The following SEPTIN9 variants were observed in gnomAD, a reference collection of about 807,000 sequenced individuals.
SEPTIN9 encodes the protein septin-9.
In SEPTIN9, 13 loss-of-function variants were observed where a neutral mutation model predicts 56.6. The ratio of observed to expected loss-of-function variants is 0.23; its 90% confidence interval spans 0.15 to 0.37. The LOEUF is 0.37. Ranked by LOEUF, SEPTIN9 falls within the 10% of genes least tolerant of loss-of-function variation. The pLI, the probability that SEPTIN9 is intolerant of heterozygous loss-of-function variation, is 1.00. For synonymous variants in SEPTIN9, 332 were observed against 334.1 expected (o/e 0.99, Z 0.07); for missense variants, 650 against 823.1 (o/e 0.79, Z 2.57).
rs1042927329 is a variant in SEPTIN9, at chr17:77,493,115, A to T, written c.1573+39A>T. 4.1e-6 allele frequency: 6 copies of T among 1,453,012 alleles called. No homozygotes were observed. In the Admixed American group the frequency reaches 9.8e-5, roughly 24 times the overall value. The allele number at this position is 1,453,012 out of a possible 1,614,324, so 90.0% of individuals were successfully genotyped here. On this transcript the variant is annotated intron_variant, in intron 10 of 11. Transcript: ENST00000427177. ...GCGCCGGGGCTCCAGACAGATGGGA[A>T]GACAGTCTCTTCTGCTGACCCAGAG...
At chr17:77,462,441 C>T (rs985261368) in intron 3 of SEPTIN9, among the ~76,000 whole-genome samples, 2 of 152,140 alleles carry the variant, frequency 1.3e-5, no homozygotes, top group Non-Finnish European at 2.9e-5. Context: ...TGTGCCACCC[C>T]GCCTGGCTAA....
At chr17:77,403,291 T>G (rs1008212325) in intron 3 of SEPTIN9, among the ~76,000 whole-genome samples, 3 of 152,162 alleles carry the variant, frequency 2.0e-5, no homozygotes, top group Non-Finnish European at 4.4e-5. Context: ...GAGGGGAACA[T>G]GAGGAGCACC....
chr17:77,420,754 C>CTG (rs1318423348), intron 3 of SEPTIN9, among the ~76,000 whole-genome samples: 1 of 152,184 alleles, frequency 6.6e-6, no homozygotes, highest in African/African-American at 2.4e-5. Context: ...GACGACTTTC[C>CTG]TGGTCCTTCT....
rs897472704 is a variant in SEPTIN9, at chr17:77,354,598, C to T, written c.76+47401C>T. 3.9e-5 allele frequency among the ~76,000 whole-genome samples: 6 copies of T among 152,122 alleles called. No homozygotes were observed. In the East Asian group the frequency reaches 5.8e-4, roughly 15 times the overall value. ...CCTCCTGCCTGCATGCGGCCGCTGC[C>T]GGGTGGACAGGCCTGCTTGTGGGTT... On this transcript the variant is annotated intron_variant, in intron 2 of 11. Transcript: ENST00000427177.
rs1219377347 is a variant in SEPTIN9 at position 77,499,034 on chromosome 17, C to T, written c.*376C>T. 9 of 538,618 alleles carry T rather than the reference C, an allele frequency of 1.7e-5. No homozygotes were observed. The highest frequency in any genetic ancestry group is 3.2e-5 in the Non-Finnish European group (9 of 278,240). The allele number at this position is 538,618 out of a possible 1,614,324, so 33.4% of individuals were successfully genotyped here. On this transcript the variant is annotated 3_prime_UTR_variant, in exon 12 of 12. Coordinates refer to ENST00000427177, the MANE Select transcript of SEPTIN9 (RefSeq NM_001113491.2). ...CTTGGGGTGGGGGCCAGGCCTCGCA[C>T]TTGCAGAGGAGCCCAGTGGGCTGCA...
intron 3 of SEPTIN9, among the ~76,000 whole-genome samples, chr17:77,463,720 G>T (rs1481955797): frequency 6.6e-6 from 1 of 152,066 alleles, no homozygotes; most frequent in African/African-American, 2.4e-5. Context: ...GTAGGCACCT[G>T]TAATCCCAGC....
intron 3 of SEPTIN9, among the ~76,000 whole-genome samples, chr17:77,460,639 C>T (rs191731903): frequency 6.6e-6 from 1 of 152,296 alleles, no homozygotes; most frequent in African/African-American, 2.4e-5. Flanking sequence ...GGGGCCACCC[C>T]CAGCAGCTGG....
Position 77,492,692 on chromosome 17 carries a change from C to G in SEPTIN9, c.1452C>G (p.Asp484Glu), listed in dbSNP as rs201739796. Reference sequence around the variant, plus strand: ...AGGAATTTGATGAGGACTCGGAGGACCGGCTGGTGAACGAGAAGTTCCGGG... The same window carrying G: ...AGGAATTTGATGAGGACTCGGAGGAGCGGCTGGTGAACGAGAAGTTCCGGG... ...PQKEFDEDSE[D>E]RLVNEKFREM... is the part of the protein sequence containing the mutation. Residue 484 changes from aspartate to glutamate, a missense_variant, in exon 9 of 12, where the codon GAC (aspartate) becomes GAG (glutamate). Transcript: ENST00000427177. The surrounding 1 kb of genome is among the most constrained non-coding windows in gnomAD (Gnocchi z 5.4). 190 of 1,614,072 alleles carry G rather than the reference C, an allele frequency of 1.2e-4. No homozygotes were observed. The East Asian group carries it at 4.0e-3, about 34-fold the overall frequency.
At chr17:77,366,245 T>C (rs2034567591) in intron 2 of SEPTIN9, among the ~76,000 whole-genome samples, 1 of 152,176 alleles carries the variant, frequency 6.6e-6, no homozygotes, top group South Asian at 2.1e-4. Flanking sequence ...CATGGGATAC[T>C]GTGTCCCCAT....
chr17:77,342,665 G>C (rs956605080), intron 2 of SEPTIN9, among the ~76,000 whole-genome samples: 10 of 152,250 alleles, frequency 6.6e-5, no homozygotes, highest in Admixed American at 6.5e-4. Flanking sequence ...GTGACATTGT[G>C]ATATAAGAAA....
In SEPTIN9 at chr17:77,315,275, A is replaced by G. The variant is rs537119446; in HGVS notation, c.76+8078A>G. 1.1e-3 allele frequency among the ~76,000 whole-genome samples: 159 copies of G among 150,772 alleles called. 1 individual carries two copies. The highest frequency in any genetic ancestry group is 3.7e-3 in the African/African-American group (152 of 40,632). ...TCCTAGGCCAAGCCAGAGACTGAAG[A>G]ATGACCACCTAACTTCTTTTTTTTT... On this transcript the variant is annotated intron_variant, in intron 2 of 11. Coordinates refer to ENST00000427177, the MANE Select transcript of SEPTIN9 (RefSeq NM_001113491.2).
At position 77,487,382 on chromosome 17, in the gene SEPTIN9, T is replaced by C. The variant is rs2039837473; in HGVS notation, c.914-42T>C. 1.3e-6 allele frequency: 2 copies of C among 1,566,572 alleles called. No homozygotes were observed. The highest frequency in any genetic ancestry group is 1.7e-6 in the Non-Finnish European group (2 of 1,156,886). On this transcript the variant is annotated intron_variant, in intron 4 of 11. Coordinates refer to ENST00000427177, the MANE Select transcript of SEPTIN9 (RefSeq NM_001113491.2). This position sits in a 1 kb window ranked among gnomAD's most constrained non-coding sequence, Gnocchi z 4.3. The stretch of plus-strand genomic sequence containing the variant: ...GCCCCATGTGCAGACCCTGCTGGTC[T>C]CTCCGGAGAGACCCCTGACCGGCCT...
chr17:77,491,846 T>TACCCGCTGC, intron 8 of SEPTIN9, among the ~76,000 whole-genome samples: 1 of 147,356 alleles, frequency 6.8e-6, no homozygotes, highest in Non-Finnish European at 1.5e-5. Context: ...AGGGATGGTC[T>TACCCGCTGC]CTGCCACCTT....
rs1407554505 is a variant in SEPTIN9 at position 77,487,288 on chromosome 17, A to T, written c.914-136A>T. 1 of 926,034 alleles carries T rather than the reference A, an allele frequency of 1.1e-6. No homozygotes were observed. Among genetic ancestry groups the T allele is most frequent in the Non-Finnish European group, 1.7e-6 (1 of 590,988 alleles). The allele number at this position is 926,034 out of a possible 1,614,324, so 57.4% of individuals were successfully genotyped here. On this transcript the variant is annotated intron_variant, in intron 4 of 11. Transcript: ENST00000427177. This position sits in a 1 kb window ranked among gnomAD's most constrained non-coding sequence, Gnocchi z 4.3. ...AGTCCTCGGGGGCTGCTTGGCAGGG[A>T]TATTGCCGGGAGGTAGCCCAGGCAC...
chr17:77,456,264 A>AG lies in SEPTIN9; in HGVS notation c.722-25875dup, dbSNP rs1180106661. ...GCACGGAGAGGCCTGGAGGAGGAGC[A>AG]GGGGGTCTCAGCCACCCAGGGTGCA... On this transcript the variant is annotated intron_variant, in intron 3 of 11. Transcript: ENST00000427177. This position sits in a 1 kb window ranked among gnomAD's most constrained non-coding sequence, Gnocchi z 6.0. 2.0e-5 allele frequency: 3 copies of AG among 152,430 alleles called. No individual in the cohort carries two copies. Among genetic ancestry groups the AG allele is most frequent in the East Asian group, 3.9e-4 (2 of 5,182 alleles). 9.4% of individuals were successfully genotyped at this position (152,430 alleles called of 1,614,324 possible). A position where few individuals can be genotyped will look rare whatever the true frequency, so the allele number is the denominator to read the frequency against.
At chr17:77,365,479 A>T (rs1477400479) in intron 2 of SEPTIN9, among the ~76,000 whole-genome samples, 3 of 151,008 alleles carry the variant, frequency 2.0e-5, no homozygotes, top group African/African-American at 7.3e-5. Context: ...TTTTTTGAAC[A>T]GCCAAAGATA....
intron 2 of SEPTIN9, among the ~76,000 whole-genome samples, chr17:77,368,976 T>C (rs1248107564): frequency 1.3e-5 from 2 of 152,214 alleles, no homozygotes; most frequent in African/African-American, 2.4e-5. Context: ...GCACGATGGC[T>C]CATGCCTGTA....
At chr17:77,368,422 G>A (rs936009851) in intron 2 of SEPTIN9, among the ~76,000 whole-genome samples, 1 of 151,360 alleles carries the variant, frequency 6.6e-6, no homozygotes, top group Non-Finnish European at 1.5e-5. Flanking sequence ...GGCGATTCTC[G>A]TGCCTCAGCC....
intron 2 of SEPTIN9, among the ~76,000 whole-genome samples, chr17:77,309,435 T>C (rs2032394241): frequency 6.6e-6 from 1 of 152,198 alleles, no homozygotes; most frequent in Non-Finnish European, 1.5e-5. Context: ...CTTCTTTCTT[T>C]CTCCCTGCCT....
Sources: allele counts gnomAD v4.1 joint callset (sites outside exome capture counted in the v4.1 genomes callset), GRCh38; gene constraint gnomAD v4.1.1; non-coding constraint Gnocchi (gnomAD v3.1); transcripts MANE v1.5; gene names NCBI Gene and HGNC (gene_info 2026-07-23, HGNC 2026-07-21).